Variants in LGALS2 observed in about 807,000 individuals in gnomAD.
The protein encoded by LGALS2 is galectin-2.
LGALS2 carries 7 observed loss-of-function variants against 10.1 expected under a neutral mutation model. The ratio of observed to expected loss-of-function variants is 0.70; its 90% CI spans 0.40 to 1.31. The LOEUF (loss-of-function observed/expected upper bound fraction) is 1.31, where lower values mean the gene tolerates loss of function less well. LGALS2 is among the 50% of genes most tolerant of loss of function. The probability of loss-of-function intolerance (pLI) is 0.01; values close to 1 mark genes in which losing one functional copy is unlikely to be tolerated. For missense variants in LGALS2, 167 were observed against 163.6 expected, an observed-to-expected ratio of 1.02 and a Z score of -0.11; for synonymous variants, 86 against 64.2, an observed-to-expected ratio of 1.34 and a Z score of -1.63.
intron 1 of LGALS2, among the ~76,000 whole-genome samples, chr22:37,577,051 G>T (rs1925705483): frequency 6.6e-6 from 1 of 152,194 alleles, no homozygotes; most frequent in Admixed American, 6.5e-5. Context: ...ATTGGCAGAG[G>T]GGCCTGGGGC....
At chr22:37,576,611 G>A (rs538550398) in intron 1 of LGALS2, among the ~76,000 whole-genome samples, 135 of 152,220 alleles carry the variant, frequency 8.9e-4, no homozygotes, top group African/African-American at 2.9e-3. Flanking sequence ...TGTGCCCTGC[G>A]CACACACACG....
intron 1 of LGALS2, among the ~76,000 whole-genome samples, chr22:37,576,221 G>A (rs1231421443): frequency 6.6e-6 from 1 of 152,060 alleles, no homozygotes; most frequent in Non-Finnish European, 1.5e-5. Flanking sequence ...GGGAGGCCGA[G>A]GGGGGCGGAT....
At position 37,575,492 on chromosome 22, in the gene LGALS2, GCT is replaced by G. The variant is rs368267485; in HGVS notation, c.7-3563_7-3562del. Among the ~76,000 whole-genome samples, 18 of 151,966 alleles carry G rather than the reference GCT, an allele frequency of 1.2e-4. 1 individual carries two copies. The East Asian group carries it at 2.9e-3, about 25-fold the overall frequency. On this transcript the variant is annotated intron_variant, in intron 1 of 3. Coordinates refer to ENST00000215886, the MANE Select transcript of LGALS2 (RefSeq NM_006498.3). ...TAATACATTTTTTTTTAAAGGTCTT[GCT>G]CTGTCACCCAGGCTAGAGTGCAGTG...
rs371184893 is a variant in LGALS2, at chr22:37,576,938, G to C, written c.6+2962C>G. Among the ~76,000 whole-genome samples the C allele has an allele frequency of 2.9e-3, 433 of 151,838 alleles. 2 individuals are homozygous for C. Among genetic ancestry groups the C allele is most frequent in the Non-Finnish European group, 3.9e-3 (266 of 67,896 alleles). On this transcript the variant is annotated intron_variant, in intron 1 of 3. Coordinates refer to ENST00000215886, the MANE Select transcript of LGALS2 (RefSeq NM_006498.3). ...CTTGTCCCCACCCAACAGAGTCAAA[G>C]GCGCAGAGAGAGACAGGCAGAACTG...
At position 37,579,506 on chromosome 22, in the gene LGALS2, C is replaced by T. The variant is rs893568002; in HGVS notation, c.6+394G>A. ...GGAGTGCAATGGCACAATCTCGGCTCACCATAACCTCTGCCTCCCAGGTCC... is the reference window on the plus strand; with the variant it reads ...GGAGTGCAATGGCACAATCTCGGCTTACCATAACCTCTGCCTCCCAGGTCC... On this transcript the variant is annotated intron_variant, in intron 1 of 3. Coordinates refer to ENST00000215886, the MANE Select transcript of LGALS2 (RefSeq NM_006498.3). 2.6e-5 allele frequency among the ~76,000 whole-genome samples: 4 copies of T among 152,192 alleles called. No individual in the cohort carries two copies. The East Asian group carries it at 5.9e-4, about 22-fold the overall frequency.
intron 1 of LGALS2, 79 bp from the exon 2 acceptor site, chr22:37,572,010 C>T: frequency 8.6e-7 from 1 of 1,157,792 alleles, no homozygotes; most frequent in Admixed American, 1.7e-5. Flanking sequence ...TCATCCACCT[C>T]ATGCCAACCC....
intron 1 of LGALS2, among the ~76,000 whole-genome samples, chr22:37,577,221 G>A (rs925852632): frequency 1.7e-4 from 26 of 152,120 alleles, no homozygotes; most frequent in Non-Finnish European, 2.9e-4. Flanking sequence ...AGTCCTCCCC[G>A]AGAGGCAGAG....
chr22:37,572,617 G>C (rs966655419), intron 1 of LGALS2, among the ~76,000 whole-genome samples: 5 of 151,580 alleles, frequency 3.3e-5, no homozygotes, highest in African/African-American at 1.2e-4. Context: ...AATACAAAAA[G>C]TTAGCCGGGT....
chr22:37,576,992 G>GT (rs1301927890), intron 1 of LGALS2, among the ~76,000 whole-genome samples: 3 of 151,884 alleles, frequency 2.0e-5, no homozygotes, highest in Admixed American at 2.0e-4. Context: ...CCTAGAGCTG[G>GT]GGGGGTGGGG....
At chr22:37,574,827 T>C (rs1206135313) in intron 1 of LGALS2, among the ~76,000 whole-genome samples, 1 of 151,150 alleles carries the variant, frequency 6.6e-6, no homozygotes, top group African/African-American at 2.4e-5. Flanking sequence ...TGGTCACATG[T>C]AGGGGTAGGT....
chr22:37,572,092 G>C (rs1244497365), intron 1 of LGALS2, among the ~76,000 whole-genome samples, 161 bp from the exon 2 acceptor site: 1 of 152,216 alleles, frequency 6.6e-6, no homozygotes, highest in Non-Finnish European at 1.5e-5. Flanking sequence ...GGCAGAGCCA[G>C]AGCGCTCTGA....
intron 1 of LGALS2, among the ~76,000 whole-genome samples, chr22:37,576,915 T>C (rs1005874183): frequency 1.0e-4 from 15 of 147,396 alleles, no homozygotes; most frequent in African/African-American, 3.0e-4. Flanking sequence ...CCGGGAGCCT[T>C]GTCCCCACCC....
chr22:37,579,247 CAAAAA>C (rs111697536), intron 1 of LGALS2, among the ~76,000 whole-genome samples: 4 of 33,584 alleles, frequency 1.2e-4, no homozygotes, highest in South Asian at 5.1e-3. Context: ...GACTCCATCT[CAAAAA>C]AAAAAAAAAA....
Position 37,570,390 on chromosome 22 carries a change from T to C in LGALS2, c.272A>G (p.Asp91Gly), listed in dbSNP as rs750121336. The C allele has an allele frequency of 1.9e-6, 3 of 1,613,808 alleles. No individual in the cohort carries two copies. In the South Asian group the frequency reaches 3.3e-5, roughly 18 times the overall value. Reference sequence around the variant, plus strand: ...ATCTGGCAGCTTCACCTTGAATTTGTCACTCTCAAAGGTCACTGTGAACTG... The same window carrying C: ...ATCTGGCAGCTTCACCTTGAATTTGCCACTCTCAAAGGTCACTGTGAACTG... ...EVKFTVTFES[D>G]KFKVKLPDGH... Residue 91 changes from aspartate (D) to glycine (G), a missense_variant, in exon 4 of 4, where the codon GAC becomes GGC. Physicochemically the swap from Asp to Gly is moderately conservative, Grantham distance 94 (BLOSUM62 -1). Coordinates refer to ENST00000215886, the MANE Select transcript of LGALS2 (RefSeq NM_006498.3).
chr22:37,573,287 AAACG>A (rs199954181), intron 1 of LGALS2, among the ~76,000 whole-genome samples: 3 of 151,412 alleles, frequency 2.0e-5, no homozygotes, highest in Non-Finnish European at 2.9e-5. Context: ...AAAAACAAAC[AAACG>A]AACAAAAACT....
intron 1 of LGALS2, among the ~76,000 whole-genome samples, chr22:37,579,122 C>T (rs1383432969): frequency 6.7e-6 from 1 of 148,808 alleles, no homozygotes; most frequent in Non-Finnish European, 1.5e-5. Context: ...GTGACACATA[C>T]CTGTAATCCC....
At chr22:37,572,590 A>AC (rs1925532930) in intron 1 of LGALS2, among the ~76,000 whole-genome samples, 1 of 151,668 alleles carries the variant, frequency 6.6e-6, no homozygotes, top group Non-Finnish European at 1.5e-5. Context: ...ACATGGTGAA[A>AC]CCCCATCTCT....
chr22:37,571,183 G>T (rs937570199), intron 2 of LGALS2, among the ~76,000 whole-genome samples: 1 of 152,152 alleles, frequency 6.6e-6, no homozygotes, highest in Non-Finnish European at 1.5e-5. Flanking sequence ...GGGTCATGGG[G>T]TGTCTTCATT....
At position 37,580,018 on chromosome 22, in the gene LGALS2, C is replaced by T. The variant is rs1925803438; in HGVS notation, c.-113G>A. ...ATTACACATTAACTCCCTCAAGGTCCTAGGTGAGGACTTTGCCCCTTCTAC... is the reference window on the plus strand; with the variant it reads ...ATTACACATTAACTCCCTCAAGGTCTTAGGTGAGGACTTTGCCCCTTCTAC... On this transcript the variant is annotated 5_prime_UTR_variant, in exon 1 of 4. Coordinates refer to ENST00000215886, the MANE Select transcript of LGALS2 (RefSeq NM_006498.3). The T allele has an allele frequency of 8.7e-7, 1 of 1,148,428 alleles. No homozygotes were observed. Among genetic ancestry groups the T allele is most frequent in the Admixed American group, 2.1e-5 (1 of 47,200 alleles). 71.1% of individuals were successfully genotyped at this position (1,148,428 alleles called of 1,614,324 possible).
Sources: gnomAD v4.1 joint callset for allele counts (sites outside exome capture counted in the v4.1 genomes callset) on GRCh38, gnomAD v4.1.1 for gene constraint, MANE v1.5 for transcripts, NCBI Gene and HGNC (gene_info 2026-07-23, HGNC 2026-07-21) for gene names.